Variants in FNIP1 observed in about 807,000 individuals in gnomAD.
The protein encoded by FNIP1 is folliculin-interacting protein 1.
Under a neutral mutation model 124.5 loss-of-function variants are expected in FNIP1, and 40 were observed. That is an observed-to-expected ratio of 0.32 (90% CI 0.25 to 0.42). The LOEUF (loss-of-function observed/expected upper bound fraction) is 0.42, where lower values mean the gene tolerates loss of function less well. Among genes scored for constraint, FNIP1 ranks in the 10% least tolerant of loss-of-function variants. The probability of loss-of-function intolerance (pLI) is 1.00; values close to 1 mark genes in which losing one functional copy is unlikely to be tolerated. For missense variants in FNIP1, 1,176 were observed against 1,403.7 expected (o/e 0.84, Z 2.59); for synonymous variants, 472 against 470.6 (o/e 1.00, Z -0.04).
intron 10 of FNIP1, among the ~76,000 whole-genome samples, chr5:131,699,391 ACTC>A (rs924813972): frequency 2.0e-5 from 3 of 147,068 alleles, no homozygotes; most frequent in African/African-American, 7.6e-5. Context: ...ACTTCTGTTA[ACTC>A]CTTTTTTTTT....
At chr5:131,742,377 C>G (rs1464392972) in intron 2 of FNIP1, among the ~76,000 whole-genome samples, 2 of 152,144 alleles carry the variant, frequency 1.3e-5, no homozygotes, top group Non-Finnish European at 2.9e-5. Flanking sequence ...GGCACGAGAA[C>G]TGCTTGAGCC....
chr5:131,700,270 C>T (rs904283801), intron 10 of FNIP1, among the ~76,000 whole-genome samples: 8 of 152,106 alleles, frequency 5.3e-5, no homozygotes, highest in African/African-American at 1.9e-4. Flanking sequence ...GCATGAGCCA[C>T]CATGCCTGGC....
chr5:131,699,066 T>C, intron 10 of FNIP1, 64 bp from the exon 11 acceptor site: 1 of 1,357,486 alleles, frequency 7.4e-7, no homozygotes, highest in Non-Finnish European at 1.0e-6. Context: ...TGGAAAAAAG[T>C]CTTTTTTAGA....
chr5:131,748,369 A>G (rs1770754743), intron 1 of FNIP1, among the ~76,000 whole-genome samples: 1 of 152,130 alleles, frequency 6.6e-6, no homozygotes, highest in Admixed American at 6.6e-5. Flanking sequence ...TTACGGATAC[A>G]ATTATGTAAA....
At chr5:131,738,565 T>C (rs1770397441) in intron 2 of FNIP1, among the ~76,000 whole-genome samples, 1 of 152,188 alleles carries the variant, frequency 6.6e-6, no homozygotes, top group Non-Finnish European at 1.5e-5. Context: ...ATGACTGCAA[T>C]CTTGGCTCAC....
chr5:131,670,894 GAGA>G (rs971758802), intron 14 of FNIP1, among the ~76,000 whole-genome samples: 11 of 152,126 alleles, frequency 7.2e-5, no homozygotes, highest in South Asian at 2.1e-4. Context: ...TTCTTATTCA[GAGA>G]AGAAGGTCTG....
At chr5:131,744,729 G>A (rs201312359) in intron 1 of FNIP1, 39 bp from the exon 2 acceptor site, 15 of 1,537,140 alleles carry the variant, frequency 9.8e-6, no homozygotes, top group Admixed American at 3.8e-5. Context: ...ATCCATTAGA[G>A]TTACATTAAT....
At chr5:131,793,555 T>C (rs1014216583) in intron 1 of FNIP1, among the ~76,000 whole-genome samples, 3 of 152,150 alleles carry the variant, frequency 2.0e-5, no homozygotes, top group African/African-American at 7.2e-5. Flanking sequence ...CTCAAGAATC[T>C]TAGATAAGCA....
At chr5:131,714,193 A>G (rs1399098630) in intron 6 of FNIP1, among the ~76,000 whole-genome samples, 1 of 152,144 alleles carries the variant, frequency 6.6e-6, no homozygotes, top group Admixed American at 6.5e-5. Context: ...CTGACAACCA[A>G]CTTTGACTCA....
intron 2 of FNIP1, 62 bp downstream of exon 2, chr5:131,744,502 T>C: frequency 6.6e-7 from 1 of 1,505,988 alleles, no homozygotes; most frequent in East Asian, 2.5e-5. Context: ...TCCAGTTTGA[T>C]AATACTGGAA....
chr5:131,745,135 G>A (rs1262017861), intron 1 of FNIP1, among the ~76,000 whole-genome samples: 1 of 150,584 alleles, frequency 6.6e-6, no homozygotes, highest in African/African-American at 2.4e-5. Flanking sequence ...AATAGCAAAG[G>A]ACTTACAAGA....
intron 1 of FNIP1, among the ~76,000 whole-genome samples, 183 bp from the exon 2 acceptor site, chr5:131,744,873 G>A (rs1770625092): frequency 1.3e-5 from 2 of 150,720 alleles, no homozygotes; most frequent in Admixed American, 1.3e-4. Context: ...AAAAATAAAG[G>A]CAAAACAAAA....
chr5:131,655,531 T>G (rs1358963374), intron 15 of FNIP1, among the ~76,000 whole-genome samples: 1 of 152,186 alleles, frequency 6.6e-6, no homozygotes, highest in Non-Finnish European at 1.5e-5. Flanking sequence ...TAAAACTAGC[T>G]GTAGTACCTA....
intron 15 of FNIP1, among the ~76,000 whole-genome samples, chr5:131,657,826 G>A (rs1767253016): frequency 6.8e-6 from 1 of 147,624 alleles, no homozygotes; most frequent in African/African-American, 2.5e-5. Flanking sequence ...GGATCACAAG[G>A]TCAGGAGATT....
intron 1 of FNIP1, among the ~76,000 whole-genome samples, chr5:131,776,016 G>T (rs927370671): frequency 6.6e-6 from 1 of 152,090 alleles, no homozygotes; most frequent in African/African-American, 2.4e-5. Context: ...GTACTTAAAT[G>T]ACTTCAGCAC....
chr5:131,644,877 G>C lies in FNIP1; in HGVS notation c.3423-114C>G, dbSNP rs189735091. 1,124 of 903,186 alleles carry C rather than the reference G, an allele frequency of 1.2e-3. 9 individuals carry two copies. In the African/African-American group the frequency reaches 0.017, roughly 14 times the overall value. The allele number at this position is 903,186 out of a possible 1,614,324, so 55.9% of individuals were successfully genotyped here. ...CTATACCTCAACGGTTAAGGAGCTA[G>C]GCCACTCTGGCCGAAAGGAAAAATT... On this transcript the variant is annotated intron_variant, in intron 17 of 17. Coordinates refer to ENST00000510461, the MANE Select transcript of FNIP1 (RefSeq NM_133372.3).
chr5:131,670,344 G>A, intron 15 of FNIP1, 119 bp downstream of exon 15: 1 of 784,882 alleles, frequency 1.3e-6, no homozygotes, highest in Non-Finnish European at 1.9e-6. Flanking sequence ...TAAAATGATG[G>A]ATTCAGAGAA....
At chr5:131,701,911 C>T (rs1768913204) in intron 10 of FNIP1, among the ~76,000 whole-genome samples, 1 of 152,212 alleles carries the variant, frequency 6.6e-6, no homozygotes, top group South Asian at 2.1e-4. Flanking sequence ...GCCAGTTGTA[C>T]CTCTCACTAT....
chr5:131,768,042 T>C (rs952496102), intron 1 of FNIP1, among the ~76,000 whole-genome samples: 1 of 152,306 alleles, frequency 6.6e-6, no homozygotes. Flanking sequence ...TGCTTGGCCA[T>C]AGTATTACTA....
Sources: allele counts gnomAD v4.1 joint callset (sites outside exome capture counted in the v4.1 genomes callset), GRCh38; gene constraint gnomAD v4.1.1; transcripts MANE v1.5; gene names NCBI Gene and HGNC (gene_info 2026-07-23, HGNC 2026-07-21).